The following AHR variants were observed in gnomAD, a reference collection of about 807,000 sequenced individuals.
AHR encodes aryl hydrocarbon receptor, also known as AH-receptor.
AHR carries 40 observed loss-of-function variants against 86.8 expected under a neutral mutation model. The observed-to-expected ratio is 0.46, with a 90% CI of 0.36 to 0.60. The LOEUF is 0.60. Ranked by LOEUF, AHR falls within the 20% of genes least tolerant of loss-of-function variation. AHR has a pLI of 0.00. For missense variants in AHR, 1,001 were observed against 1,011.6 expected, an observed-to-expected ratio of 0.99 and a Z score of 0.14; for synonymous variants, 398 against 354.9, an observed-to-expected ratio of 1.12 and a Z score of -1.37.
At chr7:17,311,760 A>G (rs1231635610) in intron 2 of AHR, among the ~76,000 whole-genome samples, 1 of 152,194 alleles carries the variant, frequency 6.6e-6, no homozygotes, top group Non-Finnish European at 1.5e-5. Context: ...AGAGTTACGC[A>G]GTATTCAGTG....
In AHR at chr7:17,310,873, A is replaced by C. The variant is rs528836645; in HGVS notation, c.253+750A>C. On this transcript the variant is annotated intron_variant, in intron 2 of 10. Coordinates refer to ENST00000242057, the MANE Select transcript of AHR (RefSeq NM_001621.5). ...TTTACATTAATTGTATACCGACTGC[A>C]AGAAATATAATTAAAACATGTTTTT... Among the ~76,000 whole-genome samples, 20 of 152,316 alleles carry C rather than the reference A, an allele frequency of 1.3e-4. 1 individual carries two copies. In the South Asian group the frequency reaches 2.7e-3, roughly 21 times the overall value.
In AHR at chr7:17,310,055, A is replaced by G. The variant is rs1280193178; in HGVS notation, c.185A>G (p.Asn62Ser). Residue 62 changes from asparagine (N) to serine (S), a missense_variant, in exon 2 of 11, where the codon AAT becomes AGT. Transcript: ENST00000242057. ...CTGCCTTTCCCACAAGATGTTATTA[A>G]TAAGTTGGACAAACTTTCAGTTCTT... is the stretch of plus-strand genomic sequence containing the variant. Reference protein sequence around the residue: ...SLLPFPQDVINKLDKLSVLRL... With the variant: ...SLLPFPQDVISKLDKLSVLRL... 1 of 1,614,076 alleles carries G rather than the reference A, an allele frequency of 6.2e-7. No individual in the cohort carries two copies. The highest frequency in any genetic ancestry group is 8.5e-7 in the Non-Finnish European group (1 of 1,179,944).
intron 2 of AHR, among the ~76,000 whole-genome samples, chr7:17,317,886 A>G (rs1170866623): frequency 1.3e-5 from 2 of 152,158 alleles, no homozygotes; most frequent in East Asian, 1.9e-4. Context: ...AAGGTCAATT[A>G]ACTGCTCTTG....
Position 17,334,017 on chromosome 7 carries a change from C to G in AHR, c.811C>G (p.Pro271Ala). Residue 271 changes from proline (P) to alanine (A), a missense_variant, in exon 7 of 11, where the codon CCA becomes GCA. Around this residue, in one of 2 missense-constraint regions of AHR, gnomAD observed 394 missense variants for 468.5 expected, o/e 0.84. Coordinates refer to ENST00000242057, the MANE Select transcript of AHR (RefSeq NM_001621.5). Reference sequence around the variant, plus strand: ...GTTGGCTTTGTTTGCGATAGCTACTCCACTTCAGCCACCATCCATACTTGA... The same window carrying G: ...GTTGGCTTTGTTTGCGATAGCTACTGCACTTCAGCCACCATCCATACTTGA... ...PQLALFAIAT[P>A]LQPPSILEIR... 1.9e-6 allele frequency: 3 copies of G among 1,613,472 alleles called. No homozygotes were observed. Among genetic ancestry groups the G allele is most frequent in the Non-Finnish European group, 2.5e-6 (3 of 1,179,506 alleles).
In AHR at chr7:17,342,997, T is replaced by C. The variant is rs1782442548; in HGVS notation, c.2480T>C (p.Leu827Pro). 1.9e-6 allele frequency: 3 copies of C among 1,613,768 alleles called. No homozygotes were observed. Among genetic ancestry groups the C allele is most frequent in the African/African-American group, 2.7e-5 (2 of 74,940 alleles). Residue 827 changes from leucine (L) to proline (P), a missense_variant, in exon 11 of 11, where the codon CTT (leucine) becomes CCT (proline). Physicochemically the swap from Leu to Pro is moderately conservative, Grantham distance 98 (BLOSUM62 -3). Coordinates refer to ENST00000242057, the MANE Select transcript of AHR (RefSeq NM_001621.5). ...NINNTQTTTH[L>P]QPLHHPSEAR... ...AATAACACTCAGACTACCACACATC[T>C]TCAGCCACTTCATCATCCGTCAGAA...
At chr7:17,301,921 T>G (rs546611433) in intron 1 of AHR, among the ~76,000 whole-genome samples, 1 of 152,020 alleles carries the variant, frequency 6.6e-6, no homozygotes, top group African/African-American at 2.4e-5. Flanking sequence ...ACTATAACTT[T>G]GCTTAGACTG....
chr7:17,311,820 T>C (rs1483069343), intron 2 of AHR, among the ~76,000 whole-genome samples: 3 of 152,336 alleles, frequency 2.0e-5, no homozygotes, highest in Non-Finnish European at 4.4e-5. Context: ...GCTGACATAG[T>C]TGGAACTAGA....
At chr7:17,316,603 C>A (rs1234562638) in intron 2 of AHR, among the ~76,000 whole-genome samples, 2 of 152,008 alleles carry the variant, frequency 1.3e-5, no homozygotes, top group Non-Finnish European at 2.9e-5. Context: ...GAGACTGTTT[C>A]ACACACACAC....
In AHR at chr7:17,342,600, T is replaced by G. The variant is rs185943692; in HGVS notation, c.2404-321T>G. 1.3e-3 allele frequency among the ~76,000 whole-genome samples: 201 copies of G among 152,290 alleles called. 1 individual carries two copies. The highest frequency in any genetic ancestry group is 4.7e-3 in the African/African-American group (194 of 41,560). On this transcript the variant is annotated intron_variant, in intron 10 of 10. Transcript: ENST00000242057. ...TGATAGAGAATATTTAACTGTAATTTGTGACTTGTGCTGTTTGACCCATCA... is the reference window on the plus strand; with the variant it reads ...TGATAGAGAATATTTAACTGTAATTGGTGACTTGTGCTGTTTGACCCATCA...
intron 3 of AHR, 62 bp downstream of exon 3, chr7:17,322,669 T>A: frequency 8.9e-7 from 1 of 1,119,270 alleles, no homozygotes; most frequent in Non-Finnish European, 1.3e-6. Context: ...AATGAATTAA[T>A]AAGTCTTTTA....
At position 17,326,972 on chromosome 7, in the gene AHR, A is replaced by C. The variant is rs145193098; in HGVS notation, c.361-787A>C. Among the ~76,000 whole-genome samples, 512 of 152,242 alleles carry C rather than the reference A, an allele frequency of 3.4e-3. 2 individuals are homozygous for C. The highest frequency in any genetic ancestry group is 0.012 in the African/African-American group (488 of 41,562). ...TATGATACTATTGTTATCCAAGAGG[A>C]GAATAAAGGTATTAGTTGATATTGG... On this transcript the variant is annotated intron_variant, in intron 3 of 10. Coordinates refer to ENST00000242057, the MANE Select transcript of AHR (RefSeq NM_001621.5).
At chr7:17,305,826 G>T (rs917071221) in intron 1 of AHR, among the ~76,000 whole-genome samples, 3 of 152,086 alleles carry the variant, frequency 2.0e-5, no homozygotes, top group African/African-American at 7.2e-5. Context: ...GGCTACAAAT[G>T]ATGAACCTCA....
At chr7:17,324,778 G>A (rs1264391956) in intron 3 of AHR, among the ~76,000 whole-genome samples, 5 of 151,338 alleles carry the variant, frequency 3.3e-5, no homozygotes, top group African/African-American at 1.2e-4. Context: ...CTCCAGCCCG[G>A]GTGACAATGC....
chr7:17,317,117 T>TTTG (rs1375650382), intron 2 of AHR, among the ~76,000 whole-genome samples: 4 of 540 alleles, frequency 7.4e-3, no homozygotes, highest in East Asian at 0.17. Flanking sequence ...GAGAATTTTG[T>TTTG]TTTTTTTTTT....
chr7:17,335,115 G>C lies in AHR; in HGVS notation c.1018+119G>C, dbSNP rs577789382. ...AAGTATATGGATAAACTTCTACTTA[G>C]TAACATATCATTATGATTAACCAGG... is the stretch of plus-strand genomic sequence containing the variant. On this transcript the variant is annotated intron_variant, in intron 8 of 10. Coordinates refer to ENST00000242057, the MANE Select transcript of AHR (RefSeq NM_001621.5). 62 of 614,500 alleles carry C rather than the reference G, an allele frequency of 1.0e-4. No homozygotes were observed. The African/African-American group carries it at 1.1e-3, about 11-fold the overall frequency. 38.1% of individuals were successfully genotyped at this position (614,500 alleles called of 1,614,324 possible).
In AHR at chr7:17,333,848, T is replaced by G. The variant is rs1584040526; in HGVS notation, c.706-64T>G. On this transcript the variant is annotated intron_variant, in intron 6 of 10. Coordinates refer to ENST00000242057, the MANE Select transcript of AHR (RefSeq NM_001621.5). Reference sequence around the variant, plus strand: ...TAGAGGCAGCCATAATGGAGCCTTTTAAAAAGGCACTATTTTATATTGTTA... The same window carrying G: ...TAGAGGCAGCCATAATGGAGCCTTTGAAAAAGGCACTATTTTATATTGTTA... 2.9e-6 allele frequency: 4 copies of G among 1,390,646 alleles called. No individual in the cohort carries two copies. In the Middle Eastern group the frequency reaches 5.5e-4, roughly 190 times the overall value. The allele number at this position is 1,390,646 out of a possible 1,614,324, so 86.1% of individuals were successfully genotyped here.
chr7:17,338,483 T>C (rs1220234309), intron 9 of AHR, among the ~76,000 whole-genome samples: 1 of 152,040 alleles, frequency 6.6e-6, no homozygotes, highest in Non-Finnish European at 1.5e-5. Context: ...GACTCCAGAG[T>C]AGCTGAAGAC....
rs891592787 is a variant in AHR at position 17,299,181 on chromosome 7, G to T, written c.-84G>T. ...GGCTTCGCGGAACCCGGCGCCGGCC[G>T]CCGCAGTGGTCCCAGCCTACACCGG... On this transcript the variant is annotated 5_prime_UTR_variant, in exon 1 of 11. Transcript: ENST00000242057. 9 of 1,442,300 alleles carry T rather than the reference G, an allele frequency of 6.2e-6. No homozygotes were observed. Among genetic ancestry groups the T allele is most frequent in the Non-Finnish European group, 8.2e-6 (9 of 1,091,972 alleles). 89.3% of individuals were successfully genotyped at this position (1,442,300 alleles called of 1,614,324 possible).
intron 2 of AHR, among the ~76,000 whole-genome samples, chr7:17,316,515 A>G (rs755594418): frequency 4.6e-5 from 7 of 152,142 alleles, no homozygotes; most frequent in Non-Finnish European, 1.5e-5. Flanking sequence ...TATTCGTGAC[A>G]CTGAGGTGGG....
Sources: allele counts gnomAD v4.1 joint callset (sites outside exome capture counted in the v4.1 genomes callset), GRCh38; gene constraint gnomAD v4.1.1; regional missense constraint gnomAD v4.1.1; transcripts MANE v1.5; gene names NCBI Gene and HGNC (gene_info 2026-07-23, HGNC 2026-07-21).